The following YTHDC2 variants were observed in gnomAD, a reference collection of about 807,000 sequenced individuals.
YTHDC2 encodes the protein YTH N6-methyladenosine RNA binding protein C2.
A neutral mutation model predicts 174.9 loss-of-function variants in YTHDC2; 45 were observed. The observed-to-expected ratio is 0.26, with a 90% CI of 0.20 to 0.33. The LOEUF is 0.33. Ranked by LOEUF, YTHDC2 falls within the 10% of genes least tolerant of loss-of-function variation. The probability of loss-of-function intolerance (pLI) is 1.00; values close to 1 mark genes in which losing one functional copy is unlikely to be tolerated. For missense variants in YTHDC2, 1,650 were observed against 1,723.7 expected (o/e 0.96, Z 0.76); for synonymous variants, 657 against 574.5 (o/e 1.14, Z -2.05).
At chr5:113,578,408 G>T (rs1341374530) in intron 23 of YTHDC2, among the ~76,000 whole-genome samples, 1 of 151,590 alleles carries the variant, frequency 6.6e-6, no homozygotes, top group African/African-American at 2.4e-5. Context: ...TTGTGTATGT[G>T]TTAAAAATTT....
chr5:113,515,409 C>A, intron 2 of YTHDC2, 47 bp downstream of exon 2: 1 of 1,489,542 alleles, frequency 6.7e-7, no homozygotes, highest in South Asian at 1.2e-5. Flanking sequence ...ATTATTTGCC[C>A]AAAAAAGGGA....
chr5:113,587,652 A>G lies in YTHDC2; in HGVS notation c.3825+3173A>G, dbSNP rs575488013. On this transcript the variant is annotated intron_variant, in intron 26 of 29. Coordinates refer to ENST00000161863, the MANE Select transcript of YTHDC2 (RefSeq NM_022828.5). ...AGTGGTACACTGACATTATTTTAGTAGCTTTATAGTAAGTCTTGAAATCAG... is the reference window on the plus strand; with the variant it reads ...AGTGGTACACTGACATTATTTTAGTGGCTTTATAGTAAGTCTTGAAATCAG... 6.9e-4 allele frequency among the ~76,000 whole-genome samples: 102 copies of G among 148,786 alleles called. 2 individuals carry two copies. The highest frequency in any genetic ancestry group is 2.4e-3 in the African/African-American group (96 of 40,736).
chr5:113,540,849 C>A, intron 8 of YTHDC2, 119 bp from the exon 9 acceptor site: 1 of 878,066 alleles, frequency 1.1e-6, no homozygotes, highest in Non-Finnish European at 1.7e-6. Flanking sequence ...TTAAAAGTAA[C>A]TACAGAATAA....
chr5:113,561,438 T>A lies in YTHDC2; in HGVS notation c.2322+253T>A, dbSNP rs922172399. On this transcript the variant is annotated intron_variant, in intron 18 of 29. Coordinates refer to ENST00000161863, the MANE Select transcript of YTHDC2 (RefSeq NM_022828.5). ...ACAGTTTTAAAGGATATATATATAT[T>A]TTTTATCTATCTATCTATCTATCTA... is the stretch of plus-strand genomic sequence containing the variant. Among the ~76,000 whole-genome samples, 17 of 149,726 alleles carry A rather than the reference T, an allele frequency of 1.1e-4. No individual in the cohort carries two copies. In the South Asian group the frequency reaches 2.3e-3, roughly 20 times the overall value.
intron 2 of YTHDC2, among the ~76,000 whole-genome samples, chr5:113,519,742 G>A (rs1773733927): frequency 6.6e-6 from 1 of 152,114 alleles, no homozygotes; most frequent in African/African-American, 2.4e-5. Context: ...TGTGCTAGGT[G>A]CTTTAAATGG....
At chr5:113,588,070 TTGATATTTGTA>T (rs1778791592) in intron 26 of YTHDC2, among the ~76,000 whole-genome samples, 1 of 152,156 alleles carries the variant, frequency 6.6e-6, no homozygotes, top group East Asian at 1.9e-4. Context: ...ACAAATACAT[TTGATATTTGTA>T]TATCTGCCCT....
At chr5:113,585,218 G>A (rs1377560782) in intron 26 of YTHDC2, among the ~76,000 whole-genome samples, 1 of 151,682 alleles carries the variant, frequency 6.6e-6, no homozygotes, top group Non-Finnish European at 1.5e-5. Flanking sequence ...AAACAAGATG[G>A]GATAGGGTTA....
chr5:113,581,032 C>T (rs530659530), intron 24 of YTHDC2, among the ~76,000 whole-genome samples: 49 of 152,228 alleles, frequency 3.2e-4, no homozygotes, highest in African/African-American at 9.1e-4. Context: ...AAGTTTAGAG[C>T]TCTGTCTTAG....
intron 7 of YTHDC2, among the ~76,000 whole-genome samples, chr5:113,536,584 A>T (rs1274597800): frequency 6.6e-6 from 1 of 152,180 alleles, no homozygotes; most frequent in Non-Finnish European, 1.5e-5. Flanking sequence ...ATAATACAAA[A>T]ATATATATAG....
intron 20 of YTHDC2, among the ~76,000 whole-genome samples, chr5:113,564,777 T>G (rs948046804): frequency 4.6e-5 from 7 of 152,202 alleles, no homozygotes; most frequent in Non-Finnish European, 1.0e-4. Flanking sequence ...ATTGTATTTA[T>G]TCTCAAATCT....
At chr5:113,544,747 A>T (rs972096228) in intron 10 of YTHDC2, among the ~76,000 whole-genome samples, 3 of 151,824 alleles carry the variant, frequency 2.0e-5, no homozygotes, top group Non-Finnish European at 4.4e-5. Flanking sequence ...CTTTAATATA[A>T]CATGATATCT....
At chr5:113,547,331 A>C (rs781565014) in intron 10 of YTHDC2, among the ~76,000 whole-genome samples, 1 of 152,210 alleles carries the variant, frequency 6.6e-6, no homozygotes, top group Non-Finnish European at 1.5e-5. Context: ...ATCTCTGAGT[A>C]AGGTATGGCT....
At chr5:113,522,831 T>C (rs1330385113) in intron 2 of YTHDC2, among the ~76,000 whole-genome samples, 1 of 152,152 alleles carries the variant, frequency 6.6e-6, no homozygotes, top group African/African-American at 2.4e-5. Flanking sequence ...GTAGGAATAA[T>C]CAGTAAAAGC....
At chr5:113,561,213 AT>A in intron 18 of YTHDC2, 28 bp downstream of exon 18, 5 of 1,586,062 alleles carry the variant, frequency 3.2e-6, no homozygotes, top group South Asian at 1.1e-5. Flanking sequence ...TATAAAAGGC[AT>A]TTTTTTGGGT....
At chr5:113,548,746 T>G in intron 11 of YTHDC2, 79 bp downstream of exon 11, 1 of 1,425,708 alleles carries the variant, frequency 7.0e-7, no homozygotes, top group South Asian at 1.7e-5. Context: ...ATGTTTGTCT[T>G]TATATTAAAA....
At chr5:113,539,540 T>TA (rs1200744495) in intron 8 of YTHDC2, among the ~76,000 whole-genome samples, 1 of 152,202 alleles carries the variant, frequency 6.6e-6, no homozygotes, top group African/African-American at 2.4e-5. Context: ...AGTATGTGAT[T>TA]AATAACAAAC....
At position 113,584,340 on chromosome 5, in the gene YTHDC2, C is replaced by A. The variant is rs747167559; in HGVS notation, c.3686C>A (p.Pro1229His). The A allele has an allele frequency of 1.2e-6, 2 of 1,613,520 alleles. No individual in the cohort carries two copies. Residue 1229 changes from proline to histidine, a missense_variant, in exon 26 of 30, where the codon CCT (proline) becomes CAT (histidine). Coordinates refer to ENST00000161863, the MANE Select transcript of YTHDC2 (RefSeq NM_022828.5). ...TCTCCATCTCCAGCATTACACCCAC[C>A]TCAGAAGTACAAAGATAGAGGAATT... ...MKSPSPALHPPQKYKDRGILH... is the reference protein window; with the variant it reads ...MKSPSPALHPHQKYKDRGILH...
Position 113,563,489 on chromosome 5 carries a change from T to G in YTHDC2, c.2439T>G (p.Leu813=). The G allele has an allele frequency of 6.2e-7, 1 of 1,602,198 alleles. No individual in the cohort carries two copies. Among genetic ancestry groups the G allele is most frequent in the South Asian group, 1.1e-5 (1 of 87,718 alleles). ...ALIVRNAVQM[L]KTIDAMDTWE... ...TTGTAAGAAATGCTGTACAAATGCT[T>G]AAGGTTGGTGTCTTCATAGTTTTAT... Residue 813 remains leucine (L), a synonymous_variant, in exon 19 of 30, where the codon CTT becomes CTG. Coordinates refer to ENST00000161863, the MANE Select transcript of YTHDC2 (RefSeq NM_022828.5).
At chr5:113,566,909 G>T (rs1777368869) in intron 21 of YTHDC2, among the ~76,000 whole-genome samples, 183 bp from the exon 22 acceptor site, 1 of 152,128 alleles carries the variant, frequency 6.6e-6, no homozygotes, top group African/African-American at 2.4e-5. Context: ...TGTTGGTTCT[G>T]TATCTGTTTT....
Sources: gnomAD v4.1 joint callset for allele counts (sites outside exome capture counted in the v4.1 genomes callset) on GRCh38, gnomAD v4.1.1 for gene constraint, MANE v1.5 for transcripts, NCBI Gene and HGNC (gene_info 2026-07-23, HGNC 2026-07-21) for gene names.